The following KLHL21 variants were observed in gnomAD, a reference collection of about 807,000 sequenced individuals.
KLHL21 encodes the protein kelch-like protein 21.
In KLHL21, 42 loss-of-function variants were observed where a neutral mutation model predicts 44.1. The observed-to-expected ratio is 0.95, with a 90% confidence interval of 0.74 to 1.23. The LOEUF (loss-of-function observed/expected upper bound fraction) is 1.23. KLHL21 is among the 50% of genes most tolerant of loss of function. KLHL21 has a pLI of 0.00. For missense variants in KLHL21, 918 were observed against 889.1 expected, an observed-to-expected ratio of 1.03 and a Z score of -0.41; for synonymous variants, 524 against 411.6, an observed-to-expected ratio of 1.27 and a Z score of -3.31.
At chr1:6,595,407 A>G in intron 3 of KLHL21, 78 bp downstream of exon 3, 1 of 1,317,838 alleles carries the variant, frequency 7.6e-7, no homozygotes, top group Non-Finnish European at 1.1e-6. Flanking sequence ...TGGATCCCAA[A>G]CACTCATCAC....
Position 6,590,847 on chromosome 1 carries a change from G to A in KLHL21, c.*2518C>T, listed in dbSNP as rs368039416. The A allele has an allele frequency of 8.8e-5, 35 of 398,324 alleles. No homozygotes were observed. Among genetic ancestry groups the A allele is most frequent in the African/African-American group, 7.0e-4 (34 of 48,616 alleles). The allele number at this position is 398,324 out of a possible 1,614,324, so 24.7% of individuals were successfully genotyped here. A position where few individuals can be genotyped will look rare whatever the true frequency, so the allele number is the denominator to read the frequency against. ...TATGTCAACCTGCCCGACCCTCTGG[G>A]GTGAACTGGATGTGGACACTGGAGG... On this transcript the variant is annotated 3_prime_UTR_variant, in exon 4 of 4. Transcript: ENST00000377658.
rs1320463276 is a variant in KLHL21, at chr1:6,593,558, T to C, written c.1601A>G (p.Asp534Gly). Residue 534 changes from aspartate (D) to glycine (G), a missense_variant, in exon 4 of 4, where the codon GAC becomes GGC. Coordinates refer to ENST00000377658, the MANE Select transcript of KLHL21 (RefSeq NM_014851.4). Reference protein sequence around the residue: ...FELSDVVEAYDPETRAWSVVG... With the variant: ...FELSDVVEAYGPETRAWSVVG... ...CACGCTCCACGCGCGAGTCTCTGGGTCATAGGCCTCTACCACGTCCGAGAG... is the reference window on the plus strand; with the variant it reads ...CACGCTCCACGCGCGAGTCTCTGGGCCATAGGCCTCTACCACGTCCGAGAG... The C allele has an allele frequency of 2.5e-6, 4 of 1,613,822 alleles. No homozygotes were observed. The highest frequency in any genetic ancestry group is 3.4e-6 in the Non-Finnish European group (4 of 1,180,002).
In KLHL21 at chr1:6,593,467, G is replaced by A; in HGVS notation, c.1692C>T (p.Pro564=). Reference sequence around the variant, plus strand: ...AGCCACGCCCACCCGAGAAGGTCTGGGGCATGAACTGGCGGAAGATGCTGA... The same window carrying A: ...AGCCACGCCCACCCGAGAAGGTCTGAGGCATGAACTGGCGGAAGATGCTGA... ...GSVSIFRQFM[P]QTFSGGRGFE... is the part of the protein sequence containing the mutation. Residue 564 remains proline, a synonymous_variant, in exon 4 of 4, where the codon CCC becomes CCT. Transcript: ENST00000377658. 2 of 1,613,806 alleles carry A rather than the reference G, an allele frequency of 1.2e-6. No individual in the cohort carries two copies. Among genetic ancestry groups the A allele is most frequent in the Admixed American group, 1.7e-5 (1 of 60,034 alleles).
At chr1:6,593,936 T>G in intron 3 of KLHL21, 2 of 1,229,748 alleles carry the variant, frequency 1.6e-6, no homozygotes, top group East Asian at 3.3e-5. Context: ...GCTTCCTACG[T>G]TCTCTCTCAG....
Position 6,602,531 on chromosome 1 carries a change from G to C in KLHL21, c.287C>G (p.Thr96Arg), listed in dbSNP as rs942620650. The C allele has an allele frequency of 9.7e-6, 15 of 1,540,256 alleles. No homozygotes were observed. The highest frequency in any genetic ancestry group is 1.2e-5 in the Non-Finnish European group (14 of 1,148,638). ...GTCGCCGCTTACCGCCACGCGGCCC[G>C]TGTAGCTGAAGTCCAGCAGCAGCTG... ...MLQLLLDFSY[T>R]GRVAVSGDNA... is the part of the protein sequence containing the mutation. The change falls in exon 1 of 4, where the codon ACG becomes AGG. Residue 96 changes from threonine to arginine, a missense_variant. Physicochemically the swap from Thr to Arg is moderately conservative, Grantham distance 71. Coordinates refer to ENST00000377658, the MANE Select transcript of KLHL21 (RefSeq NM_014851.4).
rs1172242574 is a variant in KLHL21, at chr1:6,602,073, G to T, written c.745C>A (p.Pro249Thr). The change falls in exon 1 of 4, where the codon CCC becomes ACC. Residue 249 changes from proline to threonine, a missense_variant. Physicochemically the swap from Pro to Thr is conservative, Grantham distance 38. Coordinates refer to ENST00000377658, the MANE Select transcript of KLHL21 (RefSeq NM_014851.4). ...EAEPLVARCP[P>T]CLRLLREARD... ...GCCTCGCGCAGCAGGCGCAGGCAGGGTGGGCAGCGCGCCACCAGCGGCTCG... is the reference window on the plus strand; with the variant it reads ...GCCTCGCGCAGCAGGCGCAGGCAGGTTGGGCAGCGCGCCACCAGCGGCTCG... 1 of 1,501,786 alleles carries T rather than the reference G, an allele frequency of 6.7e-7. No homozygotes were observed. The highest frequency in any genetic ancestry group is 8.9e-7 in the Non-Finnish European group (1 of 1,128,332). 93.0% of individuals were successfully genotyped at this position (1,501,786 alleles called of 1,614,324 possible). A position where few individuals can be genotyped will look rare whatever the true frequency, so the allele number is the denominator to read the frequency against.
chr1:6,599,514 T>A lies in KLHL21; in HGVS notation c.1022-62A>T, dbSNP rs1640983565. The A allele has an allele frequency of 2.7e-6, 4 of 1,498,778 alleles. No individual in the cohort carries two copies. In the East Asian group the frequency reaches 9.3e-5, roughly 35 times the overall value. 92.8% of individuals were successfully genotyped at this position (1,498,778 alleles called of 1,614,324 possible). ...TCAGGTGAGTCACCCACCTGCACCC[T>A]CCCGAACTTCCGCAAGGGCCTCTGC... On this transcript the variant is annotated intron_variant, in intron 1 of 3. Transcript: ENST00000377658.
chr1:6,591,498 T>C lies in KLHL21; in HGVS notation c.*1867A>G, dbSNP rs552805056. 1 of 153,244 alleles carries C rather than the reference T, an allele frequency of 6.5e-6. No homozygotes were observed. The highest frequency in any genetic ancestry group is 6.5e-5 in the Admixed American group (1 of 15,326). 9.5% of individuals were successfully genotyped at this position (153,244 alleles called of 1,614,324 possible). On this transcript the variant is annotated 3_prime_UTR_variant, in exon 4 of 4. Transcript: ENST00000377658. ...GGCAGTCATCACAGTCTGGACAGCA[T>C]GTCCTTCCGTGGGTGCCCAGCTCAG...
chr1:6,601,878 A>G lies in KLHL21; in HGVS notation c.940T>C (p.Trp314Arg). Residue 314 changes from tryptophan to arginine, a missense_variant, in exon 1 of 4, where the codon TGG becomes CGG. Coordinates refer to ENST00000377658, the MANE Select transcript of KLHL21 (RefSeq NM_014851.4). Reference protein sequence around the residue: ...VDCYNPQTGQWRYLAEFPDHL... With the variant: ...VDCYNPQTGQRRYLAEFPDHL... ...TCTGGGAACTCGGCCAGGTAGCGCC[A>G]CTGACCCGTCTGCGGGTTGTAGCAG... is the stretch of plus-strand genomic sequence containing the variant. The G allele has an allele frequency of 3.2e-6, 5 of 1,573,086 alleles. No homozygotes were observed. The highest frequency in any genetic ancestry group is 4.3e-6 in the Non-Finnish European group (5 of 1,160,220).
chr1:6,593,511 T>C lies in KLHL21; in HGVS notation c.1648A>G (p.Thr550Ala). ...ATGCTGACACTGCCATGCCAGAAGG[T>C]GGGTTCTGGGAGCCGCCCCACCACG... ...WSVVGRLPEP[T>A]FWHGSVSIFR... is the part of the protein sequence containing the mutation. The change falls in exon 4 of 4, where the codon ACC becomes GCC. Residue 550 changes from threonine to alanine, a missense_variant. Transcript: ENST00000377658. 1.9e-6 allele frequency: 3 copies of C among 1,613,358 alleles called. No homozygotes were observed. The highest frequency in any genetic ancestry group is 1.7e-4 in the Middle Eastern group (1 of 6,060).
At position 6,593,456 on chromosome 1, in the gene KLHL21, G is replaced by A. The variant is rs755473688; in HGVS notation, c.1703C>T (p.Ser568Leu). The change falls in exon 4 of 4, where the codon TCG becomes TTG. Residue 568 changes from serine (S) to leucine (L), a missense_variant. Physicochemically the swap from Ser to Leu is moderately radical, Grantham distance 145. Transcript: ENST00000377658. ...GTCCAACTCGAAGCCACGCCCACCC[G>A]AGAAGGTCTGGGGCATGAACTGGCG... ...IFRQFMPQTF[S>L]GGRGFELDSG... 27 of 1,613,506 alleles carry A rather than the reference G, an allele frequency of 1.7e-5. No homozygotes were observed. The highest frequency in any genetic ancestry group is 5.3e-5 in the African/African-American group (4 of 74,940).
chr1:6,599,986 T>G (rs777998070), intron 1 of KLHL21, among the ~76,000 whole-genome samples: 4 of 152,168 alleles, frequency 2.6e-5, no homozygotes, highest in Non-Finnish European at 4.4e-5. Flanking sequence ...CTGTGTTTGG[T>G]TTAGAAAAAT....
Position 6,599,383 on chromosome 1 carries a change from T to C in KLHL21, c.1091A>G (p.Glu364Gly). 1 of 1,613,540 alleles carries C rather than the reference T, an allele frequency of 6.2e-7. No homozygotes were observed. The highest frequency in any genetic ancestry group is 8.5e-7 in the Non-Finnish European group (1 of 1,179,958). The change falls in exon 2 of 4, where the codon GAG becomes GGG. Residue 364 changes from glutamate to glycine, a missense_variant. Glu to Gly is a moderately conservative substitution (Grantham distance 98, BLOSUM62 -2). Transcript: ENST00000377658. ...RYNSSVNEWAEVAPMLKAREY... is the reference protein window; with the variant it reads ...RYNSSVNEWAGVAPMLKAREY... ...GCGGGCCTTCAGCATGGGCGCCACC[T>C]CCGCCCACTCATTCACGCTTGAGTT...
chr1:6,599,721 T>C (rs1303164077), intron 1 of KLHL21: 1 of 499,350 alleles, frequency 2.0e-6, no homozygotes, highest in East Asian at 3.5e-5. Context: ...AGCAGCCTCC[T>C]CTGGACACCG....
chr1:6,601,748 C>T, intron 1 of KLHL21, 49 bp downstream of exon 1: 1 of 1,484,814 alleles, frequency 6.7e-7, no homozygotes, highest in South Asian at 1.3e-5. Context: ...GGCTCCCGTA[C>T]CGGCGAGGTT....
At position 6,593,451 on chromosome 1, in the gene KLHL21, C is replaced by T. The variant is rs766426997; in HGVS notation, c.1708G>A (p.Gly570Arg). The change falls in exon 4 of 4, where the codon GGG becomes AGG. Residue 570 changes from glycine (G) to arginine (R), a missense_variant. By Grantham distance (125) the Gly-to-Arg change is moderately radical. Transcript: ENST00000377658. ...RQFMPQTFSGGRGFELDSGSD... is the reference protein window; with the variant it reads ...RQFMPQTFSGRRGFELDSGSD... ...CCACTGTCCAACTCGAAGCCACGCC[C>T]ACCCGAGAAGGTCTGGGGCATGAAC... The T allele has an allele frequency of 1.2e-6, 2 of 1,613,576 alleles. No individual in the cohort carries two copies. The highest frequency in any genetic ancestry group is 2.2e-5 in the South Asian group (2 of 91,088).
chr1:6,590,955 C>CA lies in KLHL21; in HGVS notation c.*2409dup. ...TAGTAGATCAGCATTAAATACCAGTCACTGTGTTTATATAACTTAATTTGT... is the reference window on the plus strand; with the variant it reads ...TAGTAGATCAGCATTAAATACCAGTCAACTGTGTTTATATAACTTAATTTGT... On this transcript the variant is annotated 3_prime_UTR_variant, in exon 4 of 4. Transcript: ENST00000377658. The CA allele has an allele frequency of 2.5e-6, 1 of 398,650 alleles. No individual in the cohort carries two copies. The highest frequency in any genetic ancestry group is 4.4e-6 in the Non-Finnish European group (1 of 226,072). 24.7% of individuals were successfully genotyped at this position (398,650 alleles called of 1,614,324 possible).
chr1:6,602,284 C>T lies in KLHL21; in HGVS notation c.534G>A (p.Leu178=), dbSNP rs754093346. The change falls in exon 1 of 4, where the codon CTG becomes CTA. Residue 178 remains leucine, a synonymous_variant. Transcript: ENST00000377658. ...CCCGCAGGTAGCGCAGCAGGCGCGC[C>T]AGTGGCAGCCGCTCCAGCTGCTCGG... The part of the protein sequence containing the change: ...LGAEQLERLP[L]ARLLRYLRDD... 3 of 1,556,132 alleles carry T rather than the reference C, an allele frequency of 1.9e-6. No homozygotes were observed. Among genetic ancestry groups the T allele is most frequent in the South Asian group, 2.3e-5 (2 of 85,790 alleles).
chr1:6,593,835 G>A lies in KLHL21; in HGVS notation c.1501-177C>T, dbSNP rs566308407. 9.1e-5 allele frequency: 124 copies of A among 1,368,630 alleles called. No individual in the cohort carries two copies. In the African/African-American group the frequency reaches 1.7e-3, roughly 19 times the overall value. The allele number at this position is 1,368,630 out of a possible 1,614,324, so 84.8% of individuals were successfully genotyped here. A position where few individuals can be genotyped will look rare whatever the true frequency, so the allele number is the denominator to read the frequency against. Reference sequence around the variant, plus strand: ...TCCAACACCCTGCCTAGGAGAACGGGCCTCCCCGGAGGCAGCTGGGCCTTC... The same window carrying A: ...TCCAACACCCTGCCTAGGAGAACGGACCTCCCCGGAGGCAGCTGGGCCTTC... On this transcript the variant is annotated intron_variant, in intron 3 of 3. Coordinates refer to ENST00000377658, the MANE Select transcript of KLHL21 (RefSeq NM_014851.4).
Sources: allele counts gnomAD v4.1 joint callset (sites outside exome capture counted in the v4.1 genomes callset), GRCh38; gene constraint gnomAD v4.1.1; transcripts MANE v1.5; gene names NCBI Gene and HGNC (gene_info 2026-07-23, HGNC 2026-07-21).